Variants in THSD7B observed in about 807,000 individuals in gnomAD.
The protein encoded by THSD7B is thrombospondin type-1 domain-containing protein 7B.
In THSD7B, 138 loss-of-function variants were observed where a neutral mutation model predicts 213.6. The ratio of observed to expected loss-of-function variants is 0.65; its 90% confidence interval spans 0.56 to 0.74. THSD7B has a LOEUF of 0.74. Ranked by LOEUF, THSD7B falls within the 30% of genes least tolerant of loss-of-function variation. The pLI, the probability that THSD7B is intolerant of heterozygous loss-of-function variation, is 0.00. For synonymous variants in THSD7B, 742 were observed against 687.0 expected (o/e 1.08, Z -1.25); for missense variants, 1,931 against 1,991.5 (o/e 0.97, Z 0.58).
chr2:137,149,884 G>A (rs6430682), intron 5 of THSD7B, among the ~76,000 whole-genome samples: 113,888 of 152,102 alleles, frequency 0.75, 42,815 homozygotes, highest in African/African-American at 0.77. Context: ...TTGGACTTTC[G>A]GGTTAATGCT....
intron 2 of THSD7B, among the ~76,000 whole-genome samples, chr2:136,895,514 C>CTTTTTTTTTTTTTTTTTT (rs71301798): frequency 2.7e-5 from 2 of 73,908 alleles, no homozygotes; most frequent in African/African-American, 9.9e-5. Context: ...CAAGTGGAGA[C>CTTTTTTTTTTTTTTTTTT]TTTTTTTTTT....
chr2:137,260,613 T>C (rs1271232111), intron 10 of THSD7B, among the ~76,000 whole-genome samples: 1 of 151,878 alleles, frequency 6.6e-6, no homozygotes, highest in Non-Finnish European at 1.5e-5. Flanking sequence ...AAACAAACAA[T>C]AATAAGGCAG....
At chr2:137,001,219 C>G (rs759468668) in intron 2 of THSD7B, among the ~76,000 whole-genome samples, 1 of 152,062 alleles carries the variant, frequency 6.6e-6, no homozygotes, top group Non-Finnish European at 1.5e-5. Flanking sequence ...GTGGTGATGA[C>G]TGATGAGTTT....
intron 21 of THSD7B, among the ~76,000 whole-genome samples, chr2:137,644,735 G>T (rs577230593): frequency 5.3e-5 from 8 of 152,254 alleles, no homozygotes; most frequent in African/African-American, 1.9e-4. Context: ...CTGCATTTGT[G>T]CTTCCTCTTG....
At chr2:137,343,242 G>C (rs1386196087) in intron 12 of THSD7B, among the ~76,000 whole-genome samples, 2 of 151,500 alleles carry the variant, frequency 1.3e-5, no homozygotes, top group East Asian at 3.9e-4. Flanking sequence ...GGATTCAGCT[G>C]TGAAGACATC....
intron 14 of THSD7B, among the ~76,000 whole-genome samples, chr2:137,423,757 T>G (rs1261045069): frequency 3.3e-5 from 5 of 152,128 alleles, no homozygotes; most frequent in Non-Finnish European, 7.4e-5. Flanking sequence ...TTAATCTATT[T>G]AGTTCAGATT....
intron 9 of THSD7B, among the ~76,000 whole-genome samples, chr2:137,240,792 A>G (rs1029787899): frequency 6.6e-6 from 1 of 152,048 alleles, no homozygotes; most frequent in Non-Finnish European, 1.5e-5. Context: ...TGGGATTACT[A>G]GTTTCTCCTC....
chr2:137,214,327 A>G (rs2105037433), intron 7 of THSD7B, among the ~76,000 whole-genome samples: 2 of 152,264 alleles, frequency 1.3e-5, no homozygotes, highest in South Asian at 2.1e-4. Context: ...TGGAAATTGA[A>G]CTATTAAAAT....
chr2:136,812,927 C>A (rs1682406736), intron 1 of THSD7B, among the ~76,000 whole-genome samples: 1 of 152,126 alleles, frequency 6.6e-6, no homozygotes, highest in Non-Finnish European at 1.5e-5. Context: ...TATAAGTAGT[C>A]ATTACTGGGC....
chr2:136,990,479 TA>T (rs1685757433), intron 2 of THSD7B, among the ~76,000 whole-genome samples: 1 of 151,840 alleles, frequency 6.6e-6, no homozygotes, highest in South Asian at 2.1e-4. Flanking sequence ...GACAGAACTG[TA>T]GGGGGGGGAC....
At chr2:136,819,246 T>C (rs1023829173) in intron 1 of THSD7B, among the ~76,000 whole-genome samples, 6 of 152,236 alleles carry the variant, frequency 3.9e-5, no homozygotes, top group Admixed American at 2.6e-4. Flanking sequence ...GGAGACAAAG[T>C]ATAATTATGT....
At chr2:137,440,549 T>C (rs1325585456) in intron 14 of THSD7B, among the ~76,000 whole-genome samples, 1 of 152,022 alleles carries the variant, frequency 6.6e-6, no homozygotes, top group Non-Finnish European at 1.5e-5. Flanking sequence ...TGTAGAATAC[T>C]GTGATGGCAG....
intron 10 of THSD7B, among the ~76,000 whole-genome samples, chr2:137,255,688 C>A (rs544965813): frequency 1.6e-4 from 25 of 152,228 alleles, no homozygotes; most frequent in African/African-American, 6.0e-4. Flanking sequence ...TCTCTTCTAG[C>A]CTTTTGCCTG....
At chr2:136,789,722 TA>T (rs1460496501) in intron 1 of THSD7B, among the ~76,000 whole-genome samples, 7 of 151,918 alleles carry the variant, frequency 4.6e-5, no homozygotes, top group Non-Finnish European at 1.0e-4. Context: ...GAGGAGAGAG[TA>T]ATGAATTTTC....
At chr2:137,581,567 C>A (rs1366571007) in intron 17 of THSD7B, among the ~76,000 whole-genome samples, 3 of 151,852 alleles carry the variant, frequency 2.0e-5, no homozygotes, top group Non-Finnish European at 2.9e-5. Flanking sequence ...GCTGAGATAG[C>A]GTCACTGCAC....
chr2:137,005,149 CAGA>C (rs975255218), intron 2 of THSD7B, among the ~76,000 whole-genome samples: 1 of 151,938 alleles, frequency 6.6e-6, no homozygotes, highest in African/African-American at 2.4e-5. Context: ...TGATATAAAC[CAGA>C]AGAACTAAAA....
At chr2:137,279,402 A>G (rs934685664) in intron 12 of THSD7B, among the ~76,000 whole-genome samples, 1 of 151,916 alleles carries the variant, frequency 6.6e-6, no homozygotes, top group East Asian at 1.9e-4. Flanking sequence ...AAAGAGCCAG[A>G]CATGGTAATG....
rs1680720866 is a variant in THSD7B, at chr2:137,546,410, A to AT, written c.3139-16810dup. ...ATTATATATATTATATATATTATAT[A>AT]TATATTATATATATTATATATATAT... On this transcript the variant is annotated intron_variant, in intron 15 of 27. Coordinates refer to ENST00000409968, the MANE Select transcript of THSD7B (RefSeq NM_001316349.2). 4.2e-4 allele frequency among the ~76,000 whole-genome samples: 14 copies of AT among 33,418 alleles called. 1 individual carries two copies. The highest frequency in any genetic ancestry group is 2.3e-3 in the African/African-American group (13 of 5,598). 21.9% of individuals were successfully genotyped at this position (33,418 alleles called of 152,430 possible). A position where few individuals can be genotyped will look rare whatever the true frequency, so the allele number is the denominator to read the frequency against.
At chr2:137,142,557 G>A (rs1384666000) in intron 5 of THSD7B, among the ~76,000 whole-genome samples, 1 of 151,984 alleles carries the variant, frequency 6.6e-6, no homozygotes, top group African/African-American at 2.4e-5. Flanking sequence ...ACTATCTTAA[G>A]CATTCTTACA....
Sources: gnomAD v4.1 joint callset for allele counts (sites outside exome capture counted in the v4.1 genomes callset) on GRCh38, gnomAD v4.1.1 for gene constraint, MANE v1.5 for transcripts, NCBI Gene and HGNC (gene_info 2026-07-23, HGNC 2026-07-21) for gene names.